The following GABRA2 variants were observed in gnomAD, a reference collection of about 807,000 sequenced individuals.
GABRA2 encodes the protein gamma-aminobutyric acid receptor subunit alpha-2.
GABRA2 carries 16 observed loss-of-function variants against 48.7 expected under a neutral mutation model. That is an observed-to-expected ratio of 0.33 (90% CI 0.22 to 0.50). The LOEUF (loss-of-function observed/expected upper bound fraction) is 0.50, where lower values mean the gene tolerates loss of function less well. Among genes scored for constraint, GABRA2 ranks in the 20% least tolerant of loss-of-function variants. The pLI, the probability that GABRA2 is intolerant of heterozygous loss-of-function variation, is 0.98. For synonymous variants in GABRA2, 185 were observed against 184.5 expected, an observed-to-expected ratio of 1.00 and a Z score of -0.02; for missense variants, 275 against 535.6, an observed-to-expected ratio of 0.51 and a Z score of 4.80.
At chr4:46,301,812 AT>A (rs2074050374) in intron 8 of GABRA2, among the ~76,000 whole-genome samples, 1 of 152,166 alleles carries the variant, frequency 6.6e-6, no homozygotes, top group Non-Finnish European at 1.5e-5. Context: ...TTCACTGACT[AT>A]ATTTTACCAT....
intron 1 of GABRA2, chr4:46,389,097 G>C (rs1717883755): frequency 9.9e-7 from 1 of 1,009,088 alleles, no homozygotes; most frequent in African/African-American, 1.7e-5. Context: ...GAATGGGTTG[G>C]AGGGGAGGGG....
chr4:46,362,425 C>T (rs982223750), intron 3 of GABRA2, among the ~76,000 whole-genome samples: 1 of 152,130 alleles, frequency 6.6e-6, no homozygotes, highest in South Asian at 2.1e-4. Context: ...GTCCATTAAA[C>T]CTCTTTCTTT....
intron 3 of GABRA2, among the ~76,000 whole-genome samples, chr4:46,350,170 C>T (rs1734882970): frequency 1.3e-5 from 2 of 151,756 alleles, no homozygotes; most frequent in Admixed American, 1.3e-4. Context: ...ATATGAAATC[C>T]CATTCTCCTA....
intron 8 of GABRA2, among the ~76,000 whole-genome samples, chr4:46,269,361 T>C (rs1191737125): frequency 2.6e-5 from 4 of 151,824 alleles, no homozygotes; most frequent in Non-Finnish European, 5.9e-5. Flanking sequence ...AGATAAGTGA[T>C]ATACAAGACT....
At chr4:46,376,751 TC>T (rs1337138449) in intron 3 of GABRA2, among the ~76,000 whole-genome samples, 24 of 150,928 alleles carry the variant, frequency 1.6e-4, no homozygotes, top group Admixed American at 9.9e-4. Flanking sequence ...TCCCTCTCCC[TC>T]TCCCTCTCCC....
intron 8 of GABRA2, among the ~76,000 whole-genome samples, chr4:46,278,670 T>C (rs1318791054): frequency 6.6e-6 from 1 of 152,168 alleles, no homozygotes; most frequent in Non-Finnish European, 1.5e-5. Flanking sequence ...AATATATAGC[T>C]GTGTTTCATA....
chr4:46,348,439 G>A (rs1734535838), intron 3 of GABRA2, among the ~76,000 whole-genome samples: 1 of 151,938 alleles, frequency 6.6e-6, no homozygotes, highest in South Asian at 2.1e-4. Flanking sequence ...ATAACCAAAG[G>A]ACTATAAATC....
intron 3 of GABRA2, among the ~76,000 whole-genome samples, chr4:46,361,536 T>C (rs1172017154): frequency 6.6e-6 from 1 of 152,208 alleles, no homozygotes; most frequent in African/African-American, 2.4e-5. Flanking sequence ...AGGGCCCTCA[T>C]GGAGAACCTC....
rs939415763 is a variant in GABRA2 at position 46,389,079 on chromosome 4, TG to T, written c.-10-364del. 5 of 1,012,338 alleles carry T rather than the reference TG, an allele frequency of 4.9e-6. No homozygotes were observed. The African/African-American group carries it at 5.2e-5, about 11-fold the overall frequency. 62.7% of individuals were successfully genotyped at this position (1,012,338 alleles called of 1,614,324 possible). On this transcript the variant is annotated intron_variant, in intron 1 of 9. Coordinates refer to ENST00000381620, the MANE Select transcript of GABRA2 (RefSeq NM_000807.4). ...CTGGACTTTAAACTGGCATAGCAGC[TG>T]GAAAGGGAATGGGTTGGAGGGGAGG...
chr4:46,272,709 A>G (rs958661023), intron 8 of GABRA2, among the ~76,000 whole-genome samples: 1 of 151,968 alleles, frequency 6.6e-6, no homozygotes, highest in African/African-American at 2.4e-5. Context: ...CAGCATGTAC[A>G]GAAAATCCCA....
intron 8 of GABRA2, among the ~76,000 whole-genome samples, chr4:46,281,975 G>A (rs1269761435): frequency 6.6e-6 from 1 of 152,148 alleles, no homozygotes; most frequent in East Asian, 1.9e-4. Flanking sequence ...GTGCACAGAC[G>A]GAAGGGTTGG....
At chr4:46,305,440 G>T in intron 7 of GABRA2, 128 bp downstream of exon 7, 2 of 718,676 alleles carry the variant, frequency 2.8e-6, no homozygotes, top group Non-Finnish European at 4.5e-6. Context: ...AAGCTCCCAA[G>T]CACAGCCTAT....
intron 2 of GABRA2, 32 bp from the exon 3 acceptor site, chr4:46,386,221 T>C (rs368286489): frequency 5.3e-6 from 7 of 1,313,446 alleles, no homozygotes; most frequent in Non-Finnish European, 7.5e-6. Flanking sequence ...CTGATATATA[T>C]ACATATGTGT....
chr4:46,273,870 T>C (rs1719972143), intron 8 of GABRA2, among the ~76,000 whole-genome samples: 1 of 152,008 alleles, frequency 6.6e-6, no homozygotes. Context: ...GAGAAGCATA[T>C]CTATTCATTT....
chr4:46,347,226 G>A (rs1005699081), intron 3 of GABRA2, among the ~76,000 whole-genome samples: 12 of 151,784 alleles, frequency 7.9e-5, no homozygotes, highest in Admixed American at 2.6e-4. Context: ...GTTCTTCACC[G>A]AAATAGGAAA....
At chr4:46,290,607 C>T (rs554467015) in intron 8 of GABRA2, among the ~76,000 whole-genome samples, 70 of 152,144 alleles carry the variant, frequency 4.6e-4, no homozygotes, top group Non-Finnish European at 1.9e-4. Flanking sequence ...GATTTTTGTG[C>T]ATTGATCTTG....
chr4:46,296,661 AAAAAAAG>A (rs1560492481), intron 8 of GABRA2, among the ~76,000 whole-genome samples: 2 of 151,108 alleles, frequency 1.3e-5, no homozygotes, highest in Non-Finnish European at 3.0e-5. Flanking sequence ...AGGGGGAAAA[AAAAAAAG>A]AAAAAAAAAA....
chr4:46,343,811 C>T (rs751788021), intron 3 of GABRA2, among the ~76,000 whole-genome samples: 3 of 151,862 alleles, frequency 2.0e-5, no homozygotes, highest in Admixed American at 6.6e-5. Context: ...AAGATTTTGC[C>T]ATCTATGTAT....
chr4:46,302,209 T>C (rs1470886805), intron 8 of GABRA2, among the ~76,000 whole-genome samples: 1 of 151,932 alleles, frequency 6.6e-6, no homozygotes, highest in East Asian at 1.9e-4. Flanking sequence ...GTGGCAACTA[T>C]AGGTGTGCCA....
Sources: allele counts gnomAD v4.1 joint callset (sites outside exome capture counted in the v4.1 genomes callset), GRCh38; gene constraint gnomAD v4.1.1; transcripts MANE v1.5; gene names NCBI Gene and HGNC (gene_info 2026-07-23, HGNC 2026-07-21).